The following SMCHD1 variants were observed in gnomAD, a reference collection of about 807,000 sequenced individuals.
SMCHD1 encodes the protein structural maintenance of chromosomes flexible hinge domain-containing protein 1.
In SMCHD1, 78 loss-of-function variants were observed where a neutral mutation model predicts 254.7. The ratio of observed to expected loss-of-function variants is 0.31; its 90% CI spans 0.26 to 0.37. The LOEUF (loss-of-function observed/expected upper bound fraction) is 0.37, where lower values mean the gene tolerates loss of function less well. Among genes scored for constraint, SMCHD1 ranks in the 10% least tolerant of loss-of-function variants. The probability of loss-of-function intolerance (pLI) is 1.00; values close to 1 mark genes in which losing one functional copy is unlikely to be tolerated. For missense variants in SMCHD1, 1,840 were observed against 2,408.1 expected, an observed-to-expected ratio of 0.76 and a Z score of 4.94; for synonymous variants, 766 against 794.9, an observed-to-expected ratio of 0.96 and a Z score of 0.61.
chr18:2,683,725 T>C (rs544036153), intron 5 of SMCHD1, among the ~76,000 whole-genome samples: 4 of 152,328 alleles, frequency 2.6e-5, no homozygotes, highest in Middle Eastern at 3.4e-3. Context: ...AGGATTGTTA[T>C]GCCTTCTGTG....
At chr18:2,796,302 TTTC>T (rs1365317744) in intron 46 of SMCHD1, 102 bp from the exon 47 acceptor site, 28 of 872,934 alleles carry the variant, frequency 3.2e-5, no homozygotes, top group East Asian at 1.3e-4. Context: ...CTCAGTATAC[TTTC>T]TTAATTCTTT....
intron 8 of SMCHD1, among the ~76,000 whole-genome samples, chr18:2,696,793 A>G (rs2074294751): frequency 6.6e-6 from 1 of 152,206 alleles, no homozygotes; most frequent in South Asian, 2.1e-4. Flanking sequence ...CCCTAACTCT[A>G]TTCTGTGATG....
Position 2,769,961 on chromosome 18 carries a change from TTTAAA to T in SMCHD1, c.4847-24_4847-20del, listed in dbSNP as rs760443138. 16 of 1,561,668 alleles carry T rather than the reference TTTAAA, an allele frequency of 1.0e-5. No homozygotes were observed. The African/African-American group carries it at 2.1e-4, about 20-fold the overall frequency. On this transcript the variant is annotated intron_variant, in intron 38 of 47. Transcript: ENST00000320876. ...TTTAGAAAAGTCAGTTTTTAAATTATTTAAATTATCTCAATTTTTTTTCTTAGATG... is the reference window on the plus strand; with the variant it reads ...TTTAGAAAAGTCAGTTTTTAAATTATTTATCTCAATTTTTTTTCTTAGATG...
rs1435185988 is a variant in SMCHD1 at position 2,673,111 on chromosome 18, G to A, written c.425-170G>A. ...ATTGATGACTGCTTTTTTGATGCTG[G>A]TGGTGATTGGTGATGATGCCTTTAT... On this transcript the variant is annotated intron_variant, in intron 3 of 47. Transcript: ENST00000320876. 1.3e-5 allele frequency: 13 copies of A among 985,250 alleles called. No individual in the cohort carries two copies. In the Admixed American group the frequency reaches 8.0e-4, roughly 61 times the overall value. 61.0% of individuals were successfully genotyped at this position (985,250 alleles called of 1,614,324 possible). A position where few individuals can be genotyped will look rare whatever the true frequency, so the allele number is the denominator to read the frequency against.
chr18:2,791,861 G>A (rs1259868671), intron 45 of SMCHD1, among the ~76,000 whole-genome samples: 1 of 152,124 alleles, frequency 6.6e-6, no homozygotes, highest in Non-Finnish European at 1.5e-5. Flanking sequence ...AAATGCAGTA[G>A]GTCTCCCTTC....
At chr18:2,779,252 G>T (rs891852066) in intron 44 of SMCHD1, among the ~76,000 whole-genome samples, 24 of 152,178 alleles carry the variant, frequency 1.6e-4, no homozygotes, top group Non-Finnish European at 1.3e-4. Context: ...TTGAACTGGG[G>T]TGGTGGCAGC....
chr18:2,663,884 T>C (rs185716264), intron 1 of SMCHD1, among the ~76,000 whole-genome samples: 1 of 152,024 alleles, frequency 6.6e-6, no homozygotes, highest in Non-Finnish European at 1.5e-5. Flanking sequence ...CTGGCTAATT[T>C]TTTTGTACTT....
Position 2,775,806 on chromosome 18 carries a change from G to T in SMCHD1, c.5248G>T (p.Asp1750Tyr). ...TTCTTGGCATCTGGCAAGTGACATG[G>T]ACTGTGTAGTCACCCTAACCACTGA... Reference protein sequence around the residue: ...VISWHLASDMDCVVTLTTDAA... With the variant: ...VISWHLASDMYCVVTLTTDAA... Residue 1750 changes from aspartate (D) to tyrosine (Y), a missense_variant, in exon 42 of 48, where the codon GAC (aspartate) becomes TAC (tyrosine). Physicochemically the swap from Asp to Tyr is radical, Grantham distance 160. This residue lies in a region of SMCHD1 where 114 missense variants were observed against 217.6 expected (regional missense o/e 0.52). Transcript: ENST00000320876. 1 of 1,613,396 alleles carries T rather than the reference G, an allele frequency of 6.2e-7. No individual in the cohort carries two copies. Among genetic ancestry groups the T allele is most frequent in the South Asian group, 1.1e-5 (1 of 90,984 alleles).
At chr18:2,676,030 A>T (rs538442065) in intron 5 of SMCHD1, among the ~76,000 whole-genome samples, 44 of 152,230 alleles carry the variant, frequency 2.9e-4, no homozygotes, top group Admixed American at 2.9e-3. Context: ...ACCCACTCTA[A>T]TTTCTATCAA....
chr18:2,756,428 G>A (rs546096277), intron 34 of SMCHD1, among the ~76,000 whole-genome samples: 1 of 152,146 alleles, frequency 6.6e-6, no homozygotes, highest in Non-Finnish European at 1.5e-5. Context: ...AATCTTAAGA[G>A]TGTTATTCCT....
At chr18:2,684,850 A>G (rs1048691707) in intron 5 of SMCHD1, among the ~76,000 whole-genome samples, 1 of 151,972 alleles carries the variant, frequency 6.6e-6, no homozygotes, top group African/African-American at 2.4e-5. Flanking sequence ...ATACTAAACC[A>G]CTTCGCATAT....
At chr18:2,774,877 C>G (rs1293849595) in intron 41 of SMCHD1, among the ~76,000 whole-genome samples, 1 of 152,204 alleles carries the variant, frequency 6.6e-6, no homozygotes, top group African/African-American at 2.4e-5. Flanking sequence ...AACAAGAATG[C>G]TTGTTGATGA....
intron 37 of SMCHD1, among the ~76,000 whole-genome samples, chr18:2,766,026 C>G (rs1419516204): frequency 9.6e-6 from 1 of 104,484 alleles, no homozygotes; most frequent in African/African-American, 3.0e-5. Context: ...CAGAGTCTCA[C>G]TGTCTCACCC....
intron 1 of SMCHD1, among the ~76,000 whole-genome samples, chr18:2,657,172 G>A (rs1219255817): frequency 1.3e-5 from 2 of 152,212 alleles, no homozygotes; most frequent in Non-Finnish European, 2.9e-5. Context: ...AGGCTGATAG[G>A]TTTAGAAATG....
intron 1 of SMCHD1, among the ~76,000 whole-genome samples, chr18:2,662,145 G>A (rs574516045): frequency 3.1e-5 from 4 of 127,958 alleles, no homozygotes; most frequent in Non-Finnish European, 4.7e-5. Context: ...CGGCCTGGGC[G>A]ACAGAGCGAG....
At chr18:2,685,839 A>G (rs1157738912) in intron 5 of SMCHD1, among the ~76,000 whole-genome samples, 3 of 152,248 alleles carry the variant, frequency 2.0e-5, no homozygotes, top group Non-Finnish European at 4.4e-5. Flanking sequence ...CTGTACAACC[A>G]TACTGCGTTT....
At chr18:2,745,369 AT>A (rs1426931580) in intron 29 of SMCHD1, among the ~76,000 whole-genome samples, 4 of 152,188 alleles carry the variant, frequency 2.6e-5, no homozygotes, top group African/African-American at 7.2e-5. Flanking sequence ...TAGTAGGTGA[AT>A]TTATCTTAGT....
chr18:2,784,132 A>G (rs538717474), intron 44 of SMCHD1, among the ~76,000 whole-genome samples: 3 of 152,330 alleles, frequency 2.0e-5, no homozygotes, highest in South Asian at 2.1e-4. Flanking sequence ...TGCTACCTTG[A>G]TACTTAACTG....
At chr18:2,667,127 T>C (rs571850632) in intron 3 of SMCHD1, 96 bp downstream of exon 3, 2 of 851,954 alleles carry the variant, frequency 2.3e-6, no homozygotes, top group Admixed American at 5.6e-5. Flanking sequence ...AATCTTCTTA[T>C]TACACTTTAT....
Sources: gnomAD v4.1 joint callset for allele counts (sites outside exome capture counted in the v4.1 genomes callset) on GRCh38, gnomAD v4.1.1 for gene constraint, gnomAD v4.1.1 regional missense constraint, MANE v1.5 for transcripts, NCBI Gene and HGNC (gene_info 2026-07-23, HGNC 2026-07-21) for gene names.